The following BABAM2 variants were observed in gnomAD, a reference collection of about 807,000 sequenced individuals.
BABAM2 encodes the protein BRISC and BRCA1 A complex member 2.
Under a neutral mutation model 54.7 loss-of-function variants are expected in BABAM2, and 31 were observed. The ratio of observed to expected loss-of-function variants is 0.57; its 90% CI spans 0.43 to 0.77. BABAM2 has a LOEUF of 0.77. Among genes scored for constraint, BABAM2 ranks in the 30% least tolerant of loss-of-function variants. BABAM2 has a pLI of 0.00. For missense variants in BABAM2, 364 were observed against 455.8 expected (o/e 0.80, Z 1.83); for synonymous variants, 167 against 162.9 (o/e 1.03, Z -0.19).
chr2:28,025,103 G>A, intron 4 of BABAM2, 123 bp from the exon 5 acceptor site: 1 of 835,022 alleles, frequency 1.2e-6, no homozygotes, highest in Non-Finnish European at 1.8e-6. Context: ...TGGCTAAGGA[G>A]GAGTAGTCTG....
At chr2:28,222,327 C>T (rs1680490589) in intron 7 of BABAM2, among the ~76,000 whole-genome samples, 4 of 152,160 alleles carry the variant, frequency 2.6e-5, no homozygotes, top group South Asian at 4.1e-4. Flanking sequence ...CTCCTCATGT[C>T]GGGGTCCTTA....
At chr2:28,184,737 A>G (rs1046886677) in intron 7 of BABAM2, among the ~76,000 whole-genome samples, 6 of 151,970 alleles carry the variant, frequency 3.9e-5, no homozygotes, top group Non-Finnish European at 7.4e-5. Context: ...GGACATTTGG[A>G]TTGGTTCCAA....
At chr2:28,144,437 C>G (rs1296123178) in intron 7 of BABAM2, among the ~76,000 whole-genome samples, 1 of 152,198 alleles carries the variant, frequency 6.6e-6, no homozygotes, top group Non-Finnish European at 1.5e-5. Context: ...CAGCTCTAGA[C>G]TTTGCTTGAG....
At chr2:28,171,082 G>A (rs1247204459) in intron 7 of BABAM2, among the ~76,000 whole-genome samples, 1 of 150,768 alleles carries the variant, frequency 6.6e-6, no homozygotes, top group African/African-American at 2.4e-5. Flanking sequence ...GTAGCATGCT[G>A]TACATACTAC....
intron 6 of BABAM2, among the ~76,000 whole-genome samples, chr2:28,112,495 G>T (rs915901587): frequency 6.6e-6 from 1 of 151,776 alleles, no homozygotes; most frequent in Non-Finnish European, 1.5e-5. Flanking sequence ...GCTGAGAATG[G>T]TGGTTTCCAG....
At chr2:28,059,900 A>T (rs2148637796) in intron 6 of BABAM2, among the ~76,000 whole-genome samples, 1 of 152,340 alleles carries the variant, frequency 6.6e-6, no homozygotes, top group Middle Eastern at 3.4e-3. Flanking sequence ...TTAGGCACAG[A>T]TGACCTCCCT....
intron 6 of BABAM2, among the ~76,000 whole-genome samples, chr2:28,107,145 G>A (rs1271762905): frequency 6.6e-6 from 1 of 151,758 alleles, no homozygotes; most frequent in South Asian, 2.1e-4. Context: ...CCCCTCCCTT[G>A]GGTGTGCACT....
At chr2:28,135,351 A>C (rs1670441454) in intron 7 of BABAM2, among the ~76,000 whole-genome samples, 1 of 152,130 alleles carries the variant, frequency 6.6e-6, no homozygotes, top group Non-Finnish European at 1.5e-5. Flanking sequence ...TTTATAATAT[A>C]GCTTTTTTCT....
intron 10 of BABAM2, among the ~76,000 whole-genome samples, chr2:28,285,324 A>G (rs2148206158): frequency 6.6e-6 from 1 of 152,290 alleles, no homozygotes; most frequent in African/African-American, 2.4e-5. Context: ...CTTCACCCAG[A>G]TAAGCTGTTC....
intron 3 of BABAM2, among the ~76,000 whole-genome samples, chr2:27,952,111 C>T (rs1558613549): frequency 6.6e-6 from 1 of 152,196 alleles, no homozygotes; most frequent in Non-Finnish European, 1.5e-5. Flanking sequence ...TGAATTGACA[C>T]TCTTTGTCCT....
At chr2:27,965,313 G>C (rs1347446356) in intron 3 of BABAM2, among the ~76,000 whole-genome samples, 1 of 152,108 alleles carries the variant, frequency 6.6e-6, no homozygotes, top group African/African-American at 2.4e-5. Context: ...GAGTCTTGGA[G>C]AAAATCACTT....
chr2:28,233,592 C>A (rs1470590784), intron 7 of BABAM2, among the ~76,000 whole-genome samples: 7 of 152,184 alleles, frequency 4.6e-5, no homozygotes, highest in Admixed American at 1.3e-4. Flanking sequence ...CAGCACTTAT[C>A]AGTGTGTGAC....
At chr2:27,912,716 A>G (rs1399089682) in intron 2 of BABAM2, among the ~76,000 whole-genome samples, 1 of 152,198 alleles carries the variant, frequency 6.6e-6, no homozygotes, top group Non-Finnish European at 1.5e-5. Flanking sequence ...ATGTTGCAAG[A>G]TTGGATGACC....
intron 7 of BABAM2, among the ~76,000 whole-genome samples, chr2:28,178,676 T>A (rs1573764634): frequency 7.5e-6 from 1 of 132,616 alleles, no homozygotes; most frequent in Non-Finnish European, 1.6e-5. Context: ...CTACAAAAAA[T>A]ACAAAGGACC....
At chr2:27,922,618 G>T (rs939946980) in intron 2 of BABAM2, among the ~76,000 whole-genome samples, 18 of 152,074 alleles carry the variant, frequency 1.2e-4, no homozygotes, top group African/African-American at 4.1e-4. Context: ...GTATATTTAG[G>T]TAATTTGAAA....
At chr2:28,321,010 A>AT (rs1457146123) in intron 11 of BABAM2, among the ~76,000 whole-genome samples, 1 of 152,272 alleles carries the variant, frequency 6.6e-6, no homozygotes, top group African/African-American at 2.4e-5. Flanking sequence ...TGTTATATAT[A>AT]TACCTATTGG....
intron 7 of BABAM2, among the ~76,000 whole-genome samples, chr2:28,178,307 A>G (rs980976611): frequency 4.6e-5 from 7 of 152,184 alleles, no homozygotes; most frequent in Non-Finnish European, 8.8e-5. Context: ...GTATCTTCTC[A>G]GACTATAGTG....
chr2:28,327,776 A>G (rs139876464), intron 11 of BABAM2, among the ~76,000 whole-genome samples: 75 of 152,290 alleles, frequency 4.9e-4, no homozygotes, highest in African/African-American at 1.7e-3. Flanking sequence ...AGCTGTGAGC[A>G]TGTGGTACTG....
chr2:28,176,582 A>AC (rs1461199670), intron 7 of BABAM2, among the ~76,000 whole-genome samples: 2 of 143,772 alleles, frequency 1.4e-5, no homozygotes, highest in Non-Finnish European at 3.0e-5. Flanking sequence ...AAAAAAAAAA[A>AC]AAAAAAAAAA....
Sources: allele counts gnomAD v4.1 joint callset (sites outside exome capture counted in the v4.1 genomes callset), GRCh38; gene constraint gnomAD v4.1.1; transcripts MANE v1.5; gene names NCBI Gene and HGNC (gene_info 2026-07-23, HGNC 2026-07-21).